DENND5B: variants seen among roughly 807,000 people sequenced by gnomAD.
The protein encoded by DENND5B is DENN domain containing 5B.
DENND5B carries 34 observed loss-of-function variants against 140.6 expected under a neutral mutation model. The observed-to-expected ratio is 0.24, with a 90% CI of 0.18 to 0.32. The LOEUF is 0.32. DENND5B is among the 10% of genes least tolerant of loss of function. The pLI, the probability that DENND5B is intolerant of heterozygous loss-of-function variation, is 1.00. For synonymous variants in DENND5B, 551 were observed against 562.1 expected, an observed-to-expected ratio of 0.98 and a Z score of 0.28; for missense variants, 1,142 against 1,560.2, an observed-to-expected ratio of 0.73 and a Z score of 4.52.
chr12:31,463,282 C>T (rs1945105472), intron 3 of DENND5B, among the ~76,000 whole-genome samples: 2 of 107,894 alleles, frequency 1.9e-5, no homozygotes, highest in Admixed American at 1.2e-4. Flanking sequence ...AACAAACAAA[C>T]AAAAAACCCA....
intron 1 of DENND5B, among the ~76,000 whole-genome samples, chr12:31,559,807 G>T (rs1337774944): frequency 6.6e-6 from 1 of 152,002 alleles, no homozygotes; most frequent in East Asian, 1.9e-4. Context: ...TGTTCACTCT[G>T]ACCTTGAGTC....
intron 1 of DENND5B, among the ~76,000 whole-genome samples, chr12:31,579,442 C>A (rs1400771657): frequency 6.6e-6 from 1 of 151,988 alleles, no homozygotes; most frequent in African/African-American, 2.4e-5. Context: ...GGGGTGATCA[C>A]CTGAAGCCAG....
intron 1 of DENND5B, among the ~76,000 whole-genome samples, chr12:31,547,393 A>C (rs1261111335): frequency 6.6e-6 from 1 of 152,122 alleles, no homozygotes; most frequent in Non-Finnish European, 1.5e-5. Context: ...TCCGGCTAGC[A>C]AACTAAAAAG....
intron 1 of DENND5B, among the ~76,000 whole-genome samples, chr12:31,552,560 G>A (rs1051857669): frequency 6.6e-6 from 1 of 152,156 alleles, no homozygotes; most frequent in African/African-American, 2.4e-5. Context: ...TTTGGTATCA[G>A]GATGATGCTG....
At chr12:31,408,052 T>C (rs1475527979) in intron 14 of DENND5B, among the ~76,000 whole-genome samples, 2 of 152,160 alleles carry the variant, frequency 1.3e-5, no homozygotes, top group Non-Finnish European at 2.9e-5. Context: ...TCCTAGCACA[T>C]TGGGAGGTTG....
intron 16 of DENND5B, 61 bp from the exon 17 acceptor site, chr12:31,398,423 GC>G (rs1941603891): frequency 2.0e-6 from 3 of 1,464,046 alleles, no homozygotes; most frequent in East Asian, 4.9e-5. Context: ...TTCCCGCTCA[GC>G]CCCCTGAGTA....
intron 1 of DENND5B, chr12:31,534,826 TG>T: frequency 2.2e-6 from 1 of 456,722 alleles, no homozygotes. Context: ...TTTTCAGCCC[TG>T]GTTTGATGTA....
chr12:31,535,803 C>T (rs1324837027), intron 1 of DENND5B, among the ~76,000 whole-genome samples: 3 of 152,182 alleles, frequency 2.0e-5, no homozygotes, highest in African/African-American at 7.2e-5. Flanking sequence ...ATGAACTAAA[C>T]AAGGTAGCAA....
intron 1 of DENND5B, among the ~76,000 whole-genome samples, chr12:31,545,372 C>T (rs1042545365): frequency 6.6e-6 from 1 of 152,094 alleles, no homozygotes; most frequent in African/African-American, 2.4e-5. Flanking sequence ...CGTTTTTCAA[C>T]CATTCCCCTC....
chr12:31,457,610 C>T (rs1944831249), intron 4 of DENND5B, among the ~76,000 whole-genome samples: 1 of 152,148 alleles, frequency 6.6e-6, no homozygotes, highest in African/African-American at 2.4e-5. Flanking sequence ...CAGATTATTT[C>T]ACCTCATTGT....
chr12:31,405,898 T>C (rs1355276684), intron 14 of DENND5B, among the ~76,000 whole-genome samples: 1 of 151,852 alleles, frequency 6.6e-6, no homozygotes, highest in African/African-American at 2.4e-5. Context: ...CAGGCTCGAG[T>C]GCAGTGGGGC....
chr12:31,590,423 G>A (rs1950577306), intron 1 of DENND5B: 2 of 230,424 alleles, frequency 8.7e-6, no homozygotes, highest in East Asian at 1.6e-4. Context: ...GAAGGGGCCG[G>A]CGCGCCAGGC....
At chr12:31,435,366 C>T (rs1388497632) in intron 7 of DENND5B, among the ~76,000 whole-genome samples, 3 of 152,138 alleles carry the variant, frequency 2.0e-5, no homozygotes, top group African/African-American at 4.8e-5. Context: ...AGCCAAGGCT[C>T]AAAACTGTGT....
intron 17 of DENND5B, chr12:31,396,437 G>A (rs1467985573): frequency 6.6e-6 from 1 of 151,942 alleles, no homozygotes; most frequent in Non-Finnish European, 1.5e-5. Flanking sequence ...ACAATACAGA[G>A]AAGATTATTA....
chr12:31,590,575 G>A, intron 1 of DENND5B, 131 bp downstream of exon 1: 1 of 1,135,696 alleles, frequency 8.8e-7, no homozygotes, highest in Non-Finnish European at 1.1e-6. Context: ...GCGCCAGTTC[G>A]GCCAGAAAGC....
chr12:31,415,265 C>A (rs1593105004), intron 12 of DENND5B, 102 bp downstream of exon 12: 14 of 885,674 alleles, frequency 1.6e-5, no homozygotes, highest in Middle Eastern at 2.3e-4. Context: ...ATACATAAGC[C>A]AAAAATAAAC....
chr12:31,495,318 A>G (rs1351284605), intron 2 of DENND5B, among the ~76,000 whole-genome samples: 1 of 152,038 alleles, frequency 6.6e-6, no homozygotes, highest in African/African-American at 2.4e-5. Context: ...ACCCTGGGCA[A>G]GTAACTTGCT....
At chr12:31,583,763 A>C (rs1950296912) in intron 1 of DENND5B, among the ~76,000 whole-genome samples, 1 of 152,186 alleles carries the variant, frequency 6.6e-6, no homozygotes, top group Non-Finnish European at 1.5e-5. Flanking sequence ...GCACTCTATA[A>C]ATGTTAGCTA....
intron 1 of DENND5B, among the ~76,000 whole-genome samples, chr12:31,579,042 A>G (rs934913015): frequency 2.0e-5 from 3 of 152,250 alleles, no homozygotes; most frequent in South Asian, 4.1e-4. Context: ...ATGCTAGCAC[A>G]TATCTTTGAA....
Sources: gnomAD v4.1 joint callset for allele counts (sites outside exome capture counted in the v4.1 genomes callset) on GRCh38, gnomAD v4.1.1 for gene constraint, MANE v1.5 for transcripts, NCBI Gene and HGNC (gene_info 2026-07-23, HGNC 2026-07-21) for gene names.